The following CDKAL1 variants were observed in gnomAD, a reference collection of about 807,000 sequenced individuals.
CDKAL1 encodes CDKAL1 threonylcarbamoyladenosine tRNA methylthiotransferase.
A neutral mutation model predicts 68.2 loss-of-function variants in CDKAL1; 32 were observed. The ratio of observed to expected loss-of-function variants is 0.47; its 90% CI spans 0.35 to 0.63. The LOEUF (loss-of-function observed/expected upper bound fraction) is 0.63, where lower values mean the gene tolerates loss of function less well. Ranked by LOEUF, CDKAL1 falls within the 30% of genes least tolerant of loss-of-function variation. The probability of loss-of-function intolerance (pLI) is 0.00; values close to 1 mark genes in which losing one functional copy is unlikely to be tolerated. For missense variants in CDKAL1, 606 were observed against 696.7 expected (o/e 0.87, Z 1.47); for synonymous variants, 234 against 244.3 (o/e 0.96, Z 0.39).
intron 4 of CDKAL1, among the ~76,000 whole-genome samples, chr6:20,609,311 TC>T (rs1257638127): frequency 3.4e-5 from 5 of 144,986 alleles, no homozygotes; most frequent in African/African-American, 1.3e-4. Context: ...CTCCTCCTCC[TC>T]CCCCCTCCTC....
At chr6:20,575,628 T>A (rs138787066) in intron 4 of CDKAL1, among the ~76,000 whole-genome samples, 225 of 152,254 alleles carry the variant, frequency 1.5e-3, no homozygotes, top group East Asian at 2.3e-3. Flanking sequence ...CACATTAATA[T>A]TATATCTTTT....
intron 10 of CDKAL1, among the ~76,000 whole-genome samples, chr6:20,984,297 T>C: frequency 6.6e-6 from 1 of 152,300 alleles, no homozygotes; most frequent in East Asian, 1.9e-4. Flanking sequence ...TTGGTCCTGC[T>C]GTGTTCCACA....
intron 11 of CDKAL1, among the ~76,000 whole-genome samples, chr6:21,013,495 A>C (rs1768135159): frequency 6.6e-6 from 1 of 152,188 alleles, no homozygotes; most frequent in East Asian, 1.9e-4. Flanking sequence ...ACCTCAAGTA[A>C]TTTACAATTT....
chr6:20,619,772 A>G (rs9350268), intron 4 of CDKAL1, among the ~76,000 whole-genome samples: 42,773 of 152,102 alleles, frequency 0.28, 6,562 homozygotes, highest in East Asian at 0.53. Context: ...TGCAGTTCCA[A>G]AAAAGATTTA....
At chr6:20,911,200 A>G (rs1452602210) in intron 9 of CDKAL1, among the ~76,000 whole-genome samples, 1 of 152,236 alleles carries the variant, frequency 6.6e-6, no homozygotes, top group African/African-American at 2.4e-5. Flanking sequence ...CATTAACTCC[A>G]TTTCATGAAT....
chr6:20,969,016 G>A (rs1319571869), intron 10 of CDKAL1, among the ~76,000 whole-genome samples: 1 of 151,992 alleles, frequency 6.6e-6, no homozygotes, highest in Non-Finnish European at 1.5e-5. Flanking sequence ...ATTGAATACT[G>A]GACATTTGAA....
chr6:20,792,236 T>A (rs1197630061), intron 8 of CDKAL1, among the ~76,000 whole-genome samples: 1 of 152,228 alleles, frequency 6.6e-6, no homozygotes, highest in Non-Finnish European at 1.5e-5. Context: ...GTGCATGTAG[T>A]TAAGACCTCA....
intron 9 of CDKAL1, among the ~76,000 whole-genome samples, chr6:20,952,001 C>T (rs1289892533): frequency 7.0e-6 from 1 of 142,672 alleles, no homozygotes; most frequent in African/African-American, 2.6e-5. Context: ...CTCTGTCGCC[C>T]AGGCTGGAGT....
intron 8 of CDKAL1, among the ~76,000 whole-genome samples, chr6:20,821,258 G>A (rs7753109): frequency 0.23 from 34,466 of 151,888 alleles, 4,227 homozygotes; most frequent in African/African-American, 0.31. Context: ...CTGTAGGGAC[G>A]ATATCCTGTC....
chr6:20,613,370 G>A (rs1384325962), intron 4 of CDKAL1, among the ~76,000 whole-genome samples: 2 of 139,750 alleles, frequency 1.4e-5, no homozygotes, highest in Non-Finnish European at 3.0e-5. Context: ...CGCCTTCCAG[G>A]TTCAAGTGAT....
chr6:20,590,358 A>C (rs902991671), intron 4 of CDKAL1, among the ~76,000 whole-genome samples: 2 of 151,904 alleles, frequency 1.3e-5, no homozygotes, highest in African/African-American at 4.8e-5. Flanking sequence ...TTTATTTTTT[A>C]TTTATTTTAT....
intron 4 of CDKAL1, among the ~76,000 whole-genome samples, chr6:20,578,077 T>A: frequency 6.6e-6 from 1 of 152,210 alleles, no homozygotes; most frequent in East Asian, 1.9e-4. Context: ...CTTATGCAGT[T>A]ATTGTAACCT....
At chr6:20,738,140 G>A (rs1773279562) in intron 5 of CDKAL1, among the ~76,000 whole-genome samples, 1 of 152,166 alleles carries the variant, frequency 6.6e-6, no homozygotes, top group Non-Finnish European at 1.5e-5. Flanking sequence ...GTAGTGGTGG[G>A]AGGAGGGACC....
At chr6:21,060,483 T>G (rs1057202806) in intron 11 of CDKAL1, among the ~76,000 whole-genome samples, 1 of 152,138 alleles carries the variant, frequency 6.6e-6, no homozygotes, top group Non-Finnish European at 1.5e-5. Flanking sequence ...TTTTCAAAGA[T>G]GTACTTTTTA....
At chr6:20,724,631 G>A (rs957827436) in intron 5 of CDKAL1, among the ~76,000 whole-genome samples, 7 of 152,090 alleles carry the variant, frequency 4.6e-5, no homozygotes, top group Middle Eastern at 3.2e-3. Context: ...CCTGGGGGGC[G>A]GAGGTTGCAG....
intron 13 of CDKAL1, among the ~76,000 whole-genome samples, chr6:21,145,354 C>T (rs762257220): frequency 6.6e-6 from 1 of 152,112 alleles, no homozygotes; most frequent in African/African-American, 2.4e-5. Context: ...TAGAAAAATT[C>T]CAAAAGCTTT....
At chr6:21,049,516 G>T (rs1407585122) in intron 11 of CDKAL1, among the ~76,000 whole-genome samples, 1 of 151,966 alleles carries the variant, frequency 6.6e-6, no homozygotes, top group Non-Finnish European at 1.5e-5. Flanking sequence ...ATTTAATATG[G>T]TTTCTTTTAA....
chr6:20,782,835 A>G (rs1445539930), intron 8 of CDKAL1, among the ~76,000 whole-genome samples: 1 of 152,244 alleles, frequency 6.6e-6, no homozygotes, highest in Non-Finnish European at 1.5e-5. Flanking sequence ...TAGTGGGACT[A>G]TGCTAAATTA....
At chr6:21,084,625 A>T (rs1465317771) in intron 12 of CDKAL1, among the ~76,000 whole-genome samples, 1 of 152,250 alleles carries the variant, frequency 6.6e-6, no homozygotes, top group Non-Finnish European at 1.5e-5. Flanking sequence ...CTTTACTGCC[A>T]TTCCTCTCAA....
Sources: allele counts gnomAD v4.1 joint callset (sites outside exome capture counted in the v4.1 genomes callset), GRCh38; gene constraint gnomAD v4.1.1; transcripts MANE v1.5; gene names NCBI Gene and HGNC (gene_info 2026-07-23, HGNC 2026-07-21).